Variants in CSMD1 observed in about 807,000 individuals in gnomAD.
CSMD1 encodes CUB and Sushi multiple domains 1.
In CSMD1, 213 loss-of-function variants were observed where a neutral mutation model predicts 417.5. The ratio of observed to expected loss-of-function variants is 0.51; its 90% CI spans 0.46 to 0.57. The LOEUF (loss-of-function observed/expected upper bound fraction) is 0.57, where lower values mean the gene tolerates loss of function less well. Among genes scored for constraint, CSMD1 ranks in the 20% least tolerant of loss-of-function variants. The pLI, the probability that CSMD1 is intolerant of heterozygous loss-of-function variation, is 0.00. For missense variants in CSMD1, 6,923 were observed against 4,529.7 expected (o/e 1.53, Z -15.17); for synonymous variants, 2,862 against 1,736.8 (o/e 1.65, Z -16.11).
At chr8:4,386,625 C>T (rs1000609073) in intron 3 of CSMD1, among the ~76,000 whole-genome samples, 3 of 152,208 alleles carry the variant, frequency 2.0e-5, no homozygotes, top group African/African-American at 7.2e-5. Context: ...CAGAGAGACC[C>T]TGGCAAGCCA....
At chr8:3,730,072 T>C (rs916065507) in intron 6 of CSMD1, among the ~76,000 whole-genome samples, 8 of 152,020 alleles carry the variant, frequency 5.3e-5, no homozygotes, top group Admixed American at 5.2e-4. Flanking sequence ...AAGGCTGTGA[T>C]TCTGCTCTCA....
At chr8:4,042,025 A>G (rs946233207) in intron 3 of CSMD1, among the ~76,000 whole-genome samples, 76 of 152,334 alleles carry the variant, frequency 5.0e-4, no homozygotes, top group African/African-American at 1.7e-3. Flanking sequence ...CAGAGAATCA[A>G]TGAACTTTGG....
chr8:3,545,051 T>C (rs951234630), intron 10 of CSMD1, among the ~76,000 whole-genome samples: 18 of 152,178 alleles, frequency 1.2e-4, no homozygotes, highest in African/African-American at 4.3e-4. Flanking sequence ...TCAAATATGG[T>C]ATTTCCTGAA....
At position 4,101,907 on chromosome 8, in the gene CSMD1, T is replaced by C. The variant is rs185696372; in HGVS notation, c.416-69808A>G. 2.9e-3 allele frequency among the ~76,000 whole-genome samples: 442 copies of C among 152,294 alleles called. 4 individuals carry two copies. Among genetic ancestry groups the C allele is most frequent in the Admixed American group, 0.027 (417 of 15,298 alleles). On this transcript the variant is annotated intron_variant, in intron 3 of 69. Transcript: ENST00000635120. The stretch of plus-strand genomic sequence containing the variant: ...TAACAACTACTATCTCTCCTAATAA[T>C]GTACAGCATTTTCCCAGTGGACTTG...
intron 12 of CSMD1, among the ~76,000 whole-genome samples, chr8:3,451,731 G>C (rs544291675): frequency 3.3e-5 from 5 of 152,302 alleles, no homozygotes; most frequent in Non-Finnish European, 5.9e-5. Context: ...TTGTAATATA[G>C]TTTGAAGTCA....
chr8:4,165,783 G>A (rs376472882), intron 3 of CSMD1, among the ~76,000 whole-genome samples: 2 of 152,302 alleles, frequency 1.3e-5, no homozygotes, highest in South Asian at 4.1e-4. Context: ...GTTAGCTCAC[G>A]TGTTGTCACT....
intron 1 of CSMD1, among the ~76,000 whole-genome samples, chr8:4,823,960 G>A (rs1046050883): frequency 6.6e-6 from 1 of 151,662 alleles, no homozygotes; most frequent in Non-Finnish European, 1.5e-5. Flanking sequence ...AAATCTAAGT[G>A]CACACATACA....
At chr8:3,492,936 A>C (rs760670358) in intron 11 of CSMD1, among the ~76,000 whole-genome samples, 1 of 152,138 alleles carries the variant, frequency 6.6e-6, no homozygotes, top group Non-Finnish European at 1.5e-5. Flanking sequence ...ACTAGAAAGC[A>C]TCTGTACCTC....
chr8:3,392,844 A>G (rs975176826), intron 17 of CSMD1, among the ~76,000 whole-genome samples: 1 of 152,136 alleles, frequency 6.6e-6, no homozygotes, highest in African/African-American at 2.4e-5. Context: ...AAGCACTCAT[A>G]TCTCTACACC....
rs571354164 is a variant in CSMD1 at position 3,736,065 on chromosome 8, G to A, written c.931+17865C>T. Among the ~76,000 whole-genome samples, 5 of 152,162 alleles carry A rather than the reference G, an allele frequency of 3.3e-5. No homozygotes were observed. The East Asian group carries it at 7.8e-4, about 24-fold the overall frequency. On this transcript the variant is annotated intron_variant, in intron 6 of 69. Coordinates refer to ENST00000635120, the MANE Select transcript of CSMD1 (RefSeq NM_033225.6). ...AGAACTACCTAAAGCAGGTGTGAAG[G>A]AGATTAATAATATAAATTCTACGTT...
At chr8:3,209,494 AT>A (rs1309831178) in intron 30 of CSMD1, among the ~76,000 whole-genome samples, 4 of 151,200 alleles carry the variant, frequency 2.6e-5, no homozygotes, top group Non-Finnish European at 4.4e-5. Flanking sequence ...TTTTTTTGTA[AT>A]TTTTTAGTGG....
intron 3 of CSMD1, among the ~76,000 whole-genome samples, chr8:4,046,537 A>T (rs920025257): frequency 2.6e-5 from 4 of 152,188 alleles, no homozygotes; most frequent in African/African-American, 7.2e-5. Context: ...TCATGTATTC[A>T]ACTCTGTACA....
chr8:3,833,657 G>A (rs1223125962), intron 5 of CSMD1, among the ~76,000 whole-genome samples: 1 of 151,804 alleles, frequency 6.6e-6, no homozygotes, highest in Non-Finnish European at 1.5e-5. Context: ...TGTTTGTATG[G>A]GACAACTTTA....
intron 25 of CSMD1, among the ~76,000 whole-genome samples, chr8:3,300,124 C>T (rs527244353): frequency 5.5e-4 from 83 of 152,080 alleles, no homozygotes; most frequent in African/African-American, 1.5e-3. Flanking sequence ...GAATACTATC[C>T]GGTAACTAAA....
chr8:4,014,979 T>A (rs1182171891), intron 4 of CSMD1, among the ~76,000 whole-genome samples: 1 of 152,216 alleles, frequency 6.6e-6, no homozygotes, highest in Non-Finnish European at 1.5e-5. Context: ...GCAGAAAATG[T>A]AGCACAGCAA....
At chr8:3,739,646 T>C (rs1298680722) in intron 6 of CSMD1, among the ~76,000 whole-genome samples, 2 of 152,190 alleles carry the variant, frequency 1.3e-5, no homozygotes, top group Admixed American at 6.5e-5. Flanking sequence ...TTACAGTTCA[T>C]AGGGAAATCT....
At chr8:4,487,161 G>A (rs1241662806) in intron 2 of CSMD1, among the ~76,000 whole-genome samples, 1 of 152,056 alleles carries the variant, frequency 6.6e-6, no homozygotes, top group Non-Finnish European at 1.5e-5. Flanking sequence ...TAATGATGAA[G>A]TTTCTTTCTT....
chr8:4,698,910 A>G (rs954979254), intron 1 of CSMD1, among the ~76,000 whole-genome samples: 8 of 137,324 alleles, frequency 5.8e-5, no homozygotes, highest in Non-Finnish European at 9.0e-5. Context: ...CCCAACACAC[A>G]CACACACACA....
intron 2 of CSMD1, among the ~76,000 whole-genome samples, chr8:4,445,484 C>G (rs756708721): frequency 6.6e-6 from 1 of 152,136 alleles, no homozygotes; most frequent in Non-Finnish European, 1.5e-5. Context: ...AAGTCAAAGT[C>G]TTTGCTTTCA....
Sources: allele counts gnomAD v4.1 joint callset (sites outside exome capture counted in the v4.1 genomes callset), GRCh38; gene constraint gnomAD v4.1.1; transcripts MANE v1.5; gene names NCBI Gene and HGNC (gene_info 2026-07-23, HGNC 2026-07-21).